Variants in PCDH11X observed in about 807,000 individuals in gnomAD.
PCDH11X encodes protocadherin-11 X-linked.
PCDH11X carries 18 observed loss-of-function variants against 53.3 expected under a neutral mutation model. The observed-to-expected ratio is 0.34, with a 90% CI of 0.23 to 0.50. PCDH11X has a LOEUF of 0.50. PCDH11X is among the 20% of genes least tolerant of loss of function. The probability of loss-of-function intolerance (pLI) is 0.98; values close to 1 mark genes in which losing one functional copy is unlikely to be tolerated. For synonymous variants in PCDH11X, 279 were observed against 393.3 expected (o/e 0.71, Z 3.44); for missense variants, 570 against 1,032.4 (o/e 0.55, Z 6.14).
intron 6 of PCDH11X, among the ~76,000 whole-genome samples, chrX:91,907,422 G>C (rs1438675130): frequency 3.3e-5 from 3 of 92,250 alleles, no homozygotes; most frequent in African/African-American, 7.6e-5. Context: ...CAGAGAGAGA[G>C]AGAGAGAGAG....
chrX:92,581,476 C>T (rs1430503495), intron 10 of PCDH11X, among the ~76,000 whole-genome samples: 3 of 111,719 alleles, frequency 2.7e-5, no homozygotes, highest in Non-Finnish European at 3.8e-5. Context: ...TTCCCTTGGC[C>T]CTCATTCTCT....
At chrX:92,404,357 G>A (rs1195951229) in intron 9 of PCDH11X, among the ~76,000 whole-genome samples, 4 of 108,148 alleles carry the variant, frequency 3.7e-5, no homozygotes, top group Middle Eastern at 4.7e-3. Flanking sequence ...GTGTGGTAAG[G>A]GCAAGTTATG....
intron 6 of PCDH11X, among the ~76,000 whole-genome samples, chrX:91,939,368 T>A: frequency 9.0e-6 from 1 of 110,569 alleles, no homozygotes; most frequent in Non-Finnish European, 1.9e-5. Context: ...TCAAGTAGCT[T>A]TATTTATGTG....
chrX:92,575,944 T>TACACAC (rs1162998590), intron 10 of PCDH11X, among the ~76,000 whole-genome samples: 1 of 19,919 alleles, frequency 5.0e-5, no homozygotes, highest in Non-Finnish European at 8.2e-5. Flanking sequence ...TATATATATA[T>TACACAC]ACACACACAC....
intron 6 of PCDH11X, among the ~76,000 whole-genome samples, chrX:91,921,746 T>G (rs758778227): frequency 1.6e-4 from 17 of 107,500 alleles, no homozygotes; most frequent in Middle Eastern, 4.8e-3. Context: ...ATTTTGGCAT[T>G]TATGAATAAA....
chrX:92,039,558 G>T (rs1395021222), intron 6 of PCDH11X, among the ~76,000 whole-genome samples: 1 of 110,444 alleles, frequency 9.1e-6, no homozygotes, highest in Admixed American at 9.7e-5. Context: ...CCCAAGGGCT[G>T]CTCAGTCAGC....
intron 6 of PCDH11X, among the ~76,000 whole-genome samples, chrX:91,927,183 G>T (rs1221634448): frequency 4.6e-5 from 5 of 107,719 alleles, no homozygotes; most frequent in African/African-American, 6.7e-5. Context: ...CCTGAATATG[G>T]ATGTTCCTCA....
intron 7 of PCDH11X, among the ~76,000 whole-genome samples, chrX:92,258,367 C>CT (rs199563708): frequency 0.027 from 2,391 of 89,690 alleles, 48 homozygotes; most frequent in Non-Finnish European, 0.038. Flanking sequence ...ATGCAAATTT[C>CT]TTTTTTTTTT....
At chrX:91,826,963 C>T (rs1170631500) in intron 4 of PCDH11X, among the ~76,000 whole-genome samples, 1 of 110,654 alleles carries the variant, frequency 9.0e-6, no homozygotes, top group African/African-American at 3.3e-5. Context: ...GATTTATATT[C>T]CTCTGGGTAG....
intron 6 of PCDH11X, among the ~76,000 whole-genome samples, chrX:91,905,897 A>G (rs1368906201): frequency 2.7e-5 from 3 of 111,607 alleles, no homozygotes; most frequent in African/African-American, 9.7e-5. Flanking sequence ...CGTTTCCTGC[A>G]TAATTTCTAT....
chrX:91,921,989 CCTTTA>C (rs1457247320), intron 6 of PCDH11X, among the ~76,000 whole-genome samples: 3 of 110,775 alleles, frequency 2.7e-5, no homozygotes, highest in Non-Finnish European at 5.7e-5. Flanking sequence ...ATAGGAATGA[CCTTTA>C]CTTTAGTTAG....
chrX:92,527,603 T>G (rs2074479446), intron 10 of PCDH11X, among the ~76,000 whole-genome samples: 2 of 111,047 alleles, frequency 1.8e-5, no homozygotes, highest in Non-Finnish European at 3.8e-5. Flanking sequence ...TCTTATTTAC[T>G]ATAATAAGCT....
intron 10 of PCDH11X, among the ~76,000 whole-genome samples, chrX:92,479,843 A>T (rs757650464): frequency 1.1e-3 from 116 of 109,913 alleles, no homozygotes; most frequent in Middle Eastern, 4.7e-3. Context: ...ATTTTCTTGT[A>T]AAGTATCTTA....
intron 6 of PCDH11X, among the ~76,000 whole-genome samples, chrX:92,098,986 T>C (rs1404777871): frequency 4.5e-5 from 5 of 111,938 alleles, no homozygotes; most frequent in Non-Finnish European, 9.4e-5. Flanking sequence ...TAAATACATA[T>C]GGATCTGTGT....
rs180956507 is a variant in PCDH11X, at chrX:92,486,178, A to G, written c.3367+17856A>G. Among the ~76,000 whole-genome samples the G allele has an allele frequency of 8.5e-3, 949 of 111,030 alleles. 11 individuals carry two copies. Among genetic ancestry groups the G allele is most frequent in the African/African-American group, 0.029 (899 of 30,556 alleles). On this transcript the variant is annotated intron_variant, in intron 10 of 10. Coordinates refer to ENST00000682573, the MANE Select transcript of PCDH11X (RefSeq NM_032968.5). ...TGAGATTCACTGATTGAATGGTACA[A>G]AAGGCATTATATTTAACATAGAAAG... is the stretch of plus-strand genomic sequence containing the variant.
chrX:91,866,257 A>C (rs1192880828), intron 5 of PCDH11X, among the ~76,000 whole-genome samples: 1 of 110,626 alleles, frequency 9.0e-6, no homozygotes, highest in Non-Finnish European at 1.9e-5. Flanking sequence ...AGTATGCTGC[A>C]TGCCACCCTA....
At chrX:92,190,579 C>A (rs917246465) in intron 6 of PCDH11X, among the ~76,000 whole-genome samples, 2 of 111,994 alleles carry the variant, frequency 1.8e-5, no homozygotes, top group African/African-American at 3.2e-5. Flanking sequence ...ACAATTTCAA[C>A]ATTCTTATCT....
intron 8 of PCDH11X, among the ~76,000 whole-genome samples, chrX:92,315,945 C>T (rs1468227462): frequency 1.1e-5 from 1 of 94,664 alleles, no homozygotes; most frequent in African/African-American, 4.0e-5. Context: ...GTATAATGAC[C>T]AAAACAAGAA....
intron 6 of PCDH11X, among the ~76,000 whole-genome samples, chrX:91,912,400 G>A (rs1199877755): frequency 9.0e-6 from 1 of 111,304 alleles, no homozygotes; most frequent in Admixed American, 9.6e-5. Context: ...TTAGTATGAT[G>A]AGTCTGTCAT....
Sources: allele counts gnomAD v4.1 joint callset (sites outside exome capture counted in the v4.1 genomes callset), GRCh38; gene constraint gnomAD v4.1.1; transcripts MANE v1.5; gene names NCBI Gene and HGNC (gene_info 2026-07-23, HGNC 2026-07-21).